The following UST variants were observed in gnomAD, a reference collection of about 807,000 sequenced individuals.
The protein encoded by UST is chondroitin sulfate 2-O-sulfotransferase.
Under a neutral mutation model 45.6 loss-of-function variants are expected in UST, and 21 were observed. That is an observed-to-expected ratio of 0.46 (90% CI 0.33 to 0.66). UST has a LOEUF of 0.66. Ranked by LOEUF, UST falls within the 30% of genes least tolerant of loss-of-function variation. The pLI, the probability that UST is intolerant of heterozygous loss-of-function variation, is 0.02. For synonymous variants in UST, 215 were observed against 200.6 expected, an observed-to-expected ratio of 1.07 and a Z score of -0.61; for missense variants, 463 against 512.4, an observed-to-expected ratio of 0.90 and a Z score of 0.93.
Position 148,944,392 on chromosome 6 carries a change from T to C in UST, c.447+2958T>C, listed in dbSNP as rs186742985. On this transcript the variant is annotated intron_variant, in intron 3 of 7. Transcript: ENST00000367463. ...ACTGACTTACAAATGAACTTTGGAA[T>C]ATTATCCATTTCTAAGACCAGATTA... 1.9e-4 allele frequency among the ~76,000 whole-genome samples: 29 copies of C among 152,252 alleles called. No individual in the cohort carries two copies. The East Asian group carries it at 5.6e-3, about 29-fold the overall frequency.
chr6:149,043,359 C>G (rs1776354855), intron 7 of UST, among the ~76,000 whole-genome samples: 1 of 152,174 alleles, frequency 6.6e-6, no homozygotes, highest in African/African-American at 2.4e-5. Flanking sequence ...ATTCCACCCA[C>G]CTTGACCTCC....
intron 1 of UST, among the ~76,000 whole-genome samples, chr6:148,762,282 T>C (rs978616367): frequency 1.3e-5 from 2 of 152,236 alleles, no homozygotes; most frequent in Non-Finnish European, 2.9e-5. Flanking sequence ...CATAAGATGA[T>C]GAATTGTTCA....
chr6:148,778,546 G>A (rs1366729927), intron 1 of UST, among the ~76,000 whole-genome samples: 1 of 152,178 alleles, frequency 6.6e-6, no homozygotes, highest in African/African-American at 2.4e-5. Context: ...TGTGAATGGA[G>A]CATGGCCTCC....
At chr6:148,963,481 G>A (rs1005250848) in intron 4 of UST, among the ~76,000 whole-genome samples, 19 of 152,172 alleles carry the variant, frequency 1.2e-4, no homozygotes, top group Admixed American at 1.2e-3. Context: ...ACTCTGCTTC[G>A]GGAAGACCTT....
At chr6:148,887,596 T>C (rs534608563) in intron 2 of UST, among the ~76,000 whole-genome samples, 2 of 152,358 alleles carry the variant, frequency 1.3e-5, no homozygotes, top group African/African-American at 4.8e-5. Flanking sequence ...TTGAGCTCAA[T>C]GAAAACCGAA....
chr6:149,018,694 A>T (rs1775939947), intron 5 of UST, among the ~76,000 whole-genome samples: 1 of 152,226 alleles, frequency 6.6e-6, no homozygotes, highest in African/African-American at 2.4e-5. Context: ...GCAAACTCTT[A>T]TGAGACTATT....
chr6:148,865,240 AT>A (rs1778402739), intron 1 of UST, among the ~76,000 whole-genome samples: 1 of 152,170 alleles, frequency 6.6e-6, no homozygotes, highest in Non-Finnish European at 1.5e-5. Context: ...CGTGTTGGTC[AT>A]TTTTGTGACA....
chr6:148,865,636 G>T (rs1033153310), intron 1 of UST, among the ~76,000 whole-genome samples: 13 of 150,908 alleles, frequency 8.6e-5, no homozygotes, highest in African/African-American at 3.2e-4. Context: ...TCCAGGTCCG[G>T]CATTGACCCA....
rs113626679 is a variant in UST at position 148,850,175 on chromosome 6, A to G, written c.248-36811A>G. Among the ~76,000 whole-genome samples the G allele has an allele frequency of 3.4e-3, 519 of 152,218 alleles. 3 individuals carry two copies. Among genetic ancestry groups the G allele is most frequent in the African/African-American group, 0.012 (505 of 41,536 alleles). Reference sequence around the variant, plus strand: ...TACTTTAGTCAATTCTGTGATACAGATACTATTATTATTCCAGTTGTATGG... The same window carrying G: ...TACTTTAGTCAATTCTGTGATACAGGTACTATTATTATTCCAGTTGTATGG... On this transcript the variant is annotated intron_variant, in intron 1 of 7. Coordinates refer to ENST00000367463, the MANE Select transcript of UST (RefSeq NM_005715.3).
At chr6:148,878,511 C>T (rs1370698422) in intron 1 of UST, among the ~76,000 whole-genome samples, 2 of 68,712 alleles carry the variant, frequency 2.9e-5, no homozygotes, top group African/African-American at 1.2e-4. Context: ...TGTATGAGTG[C>T]GGGGATCGTG....
chr6:148,902,753 C>T (rs977905443), intron 2 of UST, among the ~76,000 whole-genome samples: 1 of 152,190 alleles, frequency 6.6e-6, no homozygotes, highest in African/African-American at 2.4e-5. Context: ...GAGTAGTTGT[C>T]TGTGTTTCTT....
chr6:148,962,049 A>G (rs1356460893), intron 4 of UST, among the ~76,000 whole-genome samples: 2 of 152,250 alleles, frequency 1.3e-5, no homozygotes, highest in African/African-American at 4.8e-5. Flanking sequence ...GGCAGCCGGC[A>G]ACCATTATTG....
At chr6:148,930,096 G>C (rs930495632) in intron 2 of UST, among the ~76,000 whole-genome samples, 1 of 152,158 alleles carries the variant, frequency 6.6e-6, no homozygotes, top group African/African-American at 2.4e-5. Context: ...TTCAAATGCC[G>C]TGTTCTCTGT....
chr6:148,849,517 C>T (rs962290861), intron 1 of UST, among the ~76,000 whole-genome samples: 1 of 152,154 alleles, frequency 6.6e-6, no homozygotes, highest in Non-Finnish European at 1.5e-5. Flanking sequence ...CGTTCTCACA[C>T]TCCTATAAGG....
chr6:148,878,009 T>C, intron 1 of UST, among the ~76,000 whole-genome samples: 1 of 41,360 alleles, frequency 2.4e-5, no homozygotes, highest in African/African-American at 1.1e-4. Context: ...TGTACGAGTG[T>C]AGGGGTCATG....
At chr6:148,860,310 G>A (rs1210359890) in intron 1 of UST, among the ~76,000 whole-genome samples, 1 of 152,160 alleles carries the variant, frequency 6.6e-6, no homozygotes, top group African/African-American at 2.4e-5. Context: ...TGTTATTGGT[G>A]TATAGGAATG....
chr6:148,988,788 T>C (rs188057382), intron 5 of UST, among the ~76,000 whole-genome samples: 4 of 152,116 alleles, frequency 2.6e-5, no homozygotes, highest in Non-Finnish European at 5.9e-5. Flanking sequence ...GCTTCATCAT[T>C]TCCAAGTCCA....
chr6:149,066,892 T>C (rs1321848063), intron 7 of UST, among the ~76,000 whole-genome samples: 1 of 152,118 alleles, frequency 6.6e-6, no homozygotes, highest in Non-Finnish European at 1.5e-5. Context: ...GAGCCACCAC[T>C]GCACTCTAGC....
At chr6:148,747,759 C>G in intron 1 of UST, 82 bp downstream of exon 1, 1 of 1,440,860 alleles carries the variant, frequency 6.9e-7, no homozygotes, top group Non-Finnish European at 9.1e-7. Flanking sequence ...GGGGACTTCT[C>G]GCGCTGCCAC....
Sources: allele counts gnomAD v4.1 joint callset (sites outside exome capture counted in the v4.1 genomes callset), GRCh38; gene constraint gnomAD v4.1.1; transcripts MANE v1.5; gene names NCBI Gene and HGNC (gene_info 2026-07-23, HGNC 2026-07-21).